PCDHGA3: variants seen among roughly 807,000 people sequenced by gnomAD.
PCDHGA3 encodes the protein protocadherin gamma-A3.
Under a neutral mutation model 58.5 loss-of-function variants are expected in PCDHGA3, and 40 were observed. That is an observed-to-expected ratio of 0.68 (90% CI 0.53 to 0.89). The LOEUF is 0.89. Ranked by LOEUF, PCDHGA3 falls within the 40% of genes least tolerant of loss-of-function variation. The probability of loss-of-function intolerance (pLI) is 0.00; values close to 1 mark genes in which losing one functional copy is unlikely to be tolerated. For synonymous variants in PCDHGA3, 530 were observed against 525.7 expected, an observed-to-expected ratio of 1.01 and a Z score of -0.11; for missense variants, 1,223 against 1,195.9, an observed-to-expected ratio of 1.02 and a Z score of -0.33.
chr5:141,386,377 T>G (rs535243472), intron 1 of PCDHGA3, among the ~76,000 whole-genome samples: 33 of 152,286 alleles, frequency 2.2e-4, no homozygotes, highest in African/African-American at 7.9e-4. Flanking sequence ...CTTTGAGTAT[T>G]AATTAAAAAC....
intron 1 of PCDHGA3, among the ~76,000 whole-genome samples, chr5:141,455,519 G>T (rs1439363688): frequency 1.3e-5 from 2 of 152,158 alleles, no homozygotes; most frequent in East Asian, 3.9e-4. Flanking sequence ...TCAGGGGATT[G>T]GTTTGACCAG....
At chr5:141,357,029 A>G (rs1217992138) in intron 1 of PCDHGA3, 1 of 1,614,042 alleles carries the variant, frequency 6.2e-7, no homozygotes, top group South Asian at 1.1e-5. Context: ...AGCCTACTCA[A>G]GTCCAGCGAG....
chr5:141,505,450 G>T lies in PCDHGA3; in HGVS notation c.2541G>T (p.Met847Ile). Residue 847 changes from methionine (M) to isoleucine (I), a missense_variant, in exon 3 of 4, where the codon ATG becomes ATT. By Grantham distance (10) the Met-to-Ile change is conservative (BLOSUM62 1). This residue lies in a region of PCDHGA3 where 325 missense variants were observed against 327.5 expected (regional missense o/e 0.99). Coordinates refer to ENST00000253812, the MANE Select transcript of PCDHGA3 (RefSeq NM_018916.4). ...TWPNNQFDTE[M>I]LQAMILASAS... ...CCAACAACCAGTTTGACACAGAGAT[G>T]CTGCAAGCCATGATCTTGGCGTCCG... 6.2e-7 allele frequency: 1 copy of T among 1,614,194 alleles called. No homozygotes were observed. The highest frequency in any genetic ancestry group is 8.5e-7 in the Non-Finnish European group (1 of 1,180,012).
chr5:141,510,862 C>CATTCA, intron 3 of PCDHGA3, 85 bp from the exon 4 acceptor site: 1 of 1,606,772 alleles, frequency 6.2e-7, no homozygotes, highest in South Asian at 1.1e-5. Flanking sequence ...GCTGTATAGG[C>CATTCA]ATTCATTAAC....
intron 1 of PCDHGA3, among the ~76,000 whole-genome samples, chr5:141,407,505 T>TTTTTTTTTTTTTTTTTTTTTTTGAG (rs1460306566): frequency 6.6e-6 from 1 of 152,146 alleles, no homozygotes; most frequent in Non-Finnish European, 1.5e-5. Context: ...CTGTTTTTCT[T>TTTTTTTTTTTTTTTTTTTTTTTGAG]AGGCTATGTA....
intron 1 of PCDHGA3, chr5:141,372,555 C>T: frequency 6.2e-7 from 1 of 1,614,046 alleles, no homozygotes; most frequent in Non-Finnish European, 8.5e-7. Context: ...CTCCTCCAGA[C>T]CCGCCACTGA....
In PCDHGA3 at chr5:141,344,696, C is replaced by T. The variant is rs752778278; in HGVS notation, c.663C>T (p.Val221=). The T allele has an allele frequency of 6.2e-7, 1 of 1,613,968 alleles. No individual in the cohort carries two copies. The highest frequency in any genetic ancestry group is 1.1e-5 in the South Asian group (1 of 91,082). The change falls in exon 1 of 4, where the codon GTC becomes GTT. Residue 221 remains valine (V), a synonymous_variant. Coordinates refer to ENST00000253812, the MANE Select transcript of PCDHGA3 (RefSeq NM_018916.4). ...VLVASDGGDP[V]HSGNLHIQVI... ...TTGCCTCTGATGGTGGCGACCCTGT[C>T]CACTCTGGCAACTTGCACATCCAAG... is the stretch of plus-strand genomic sequence containing the variant.
chr5:141,466,969 C>T (rs2099133068), intron 1 of PCDHGA3, among the ~76,000 whole-genome samples: 1 of 152,068 alleles, frequency 6.6e-6, no homozygotes, highest in African/African-American at 2.4e-5. Flanking sequence ...TATTTTCTCA[C>T]AGCTCATCAT....
chr5:141,389,694 T>C, intron 1 of PCDHGA3: 1 of 1,612,590 alleles, frequency 6.2e-7, no homozygotes, highest in South Asian at 1.1e-5. Flanking sequence ...CTGGCTGTCC[T>C]ACCACGTGCT....
rs1408454981 is a variant in PCDHGA3, at chr5:141,489,682, T to C, written c.2425-5125T>C. The C allele has an allele frequency of 6.2e-7, 1 of 1,614,184 alleles. No individual in the cohort carries two copies. The highest frequency in any genetic ancestry group is 8.5e-7 in the Non-Finnish European group (1 of 1,180,024). On this transcript the variant is annotated intron_variant, in intron 1 of 3. Transcript: ENST00000253812. This position sits in a 1 kb window ranked among gnomAD's most constrained non-coding sequence, Gnocchi z 4.5. ...GATGCGCATCTCAGAATCAGCAGCATCTGGGGCACGATTCCCACTGGACAG... is the reference window on the plus strand; with the variant it reads ...GATGCGCATCTCAGAATCAGCAGCACCTGGGGCACGATTCCCACTGGACAG...
Position 141,487,682 on chromosome 5 carries a change from G to A in PCDHGA3, c.2425-7125G>A, listed in dbSNP as rs757434520. On this transcript the variant is annotated intron_variant, in intron 1 of 3. Transcript: ENST00000253812. This position sits in a 1 kb window ranked among gnomAD's most constrained non-coding sequence, Gnocchi z 5.0. ...TGATCCAGGCATATGGCTAGGCCATGTCCTAGAGAGTACTGGCCTCTCAGT... is the reference window on the plus strand; with the variant it reads ...TGATCCAGGCATATGGCTAGGCCATATCCTAGAGAGTACTGGCCTCTCAGT... The A allele has an allele frequency of 1.2e-6, 2 of 1,607,256 alleles. No individual in the cohort carries two copies. Among genetic ancestry groups the A allele is most frequent in the East Asian group, 4.5e-5 (2 of 44,762 alleles).
At chr5:141,482,852 A>G (rs1237049208) in intron 1 of PCDHGA3, among the ~76,000 whole-genome samples, 1 of 144,420 alleles carries the variant, frequency 6.9e-6, no homozygotes, top group Non-Finnish European at 1.5e-5. Flanking sequence ...TGGGCAGATC[A>G]CTTGAGGTCA....
intron 1 of PCDHGA3, chr5:141,374,097 A>G (rs1277096139): frequency 3.2e-6 from 5 of 1,560,098 alleles, no homozygotes; most frequent in Non-Finnish European, 4.3e-6. Flanking sequence ...GCGCCTCCGC[A>G]GAGGCATCCG....
chr5:141,432,949 C>A lies in PCDHGA3; in HGVS notation c.2425-61858C>A, dbSNP rs764998032. ...CACGCCTGCTGCAGGCTTCAGGAGG[C>A]GGCTTGACAGGAGCGCCGGCGTCGC... On this transcript the variant is annotated intron_variant, in intron 1 of 3. Transcript: ENST00000253812. This position sits in a 1 kb window ranked among gnomAD's most constrained non-coding sequence, Gnocchi z 6.0. The A allele has an allele frequency of 1.9e-6, 3 of 1,614,184 alleles. No homozygotes were observed. The highest frequency in any genetic ancestry group is 2.5e-6 in the Non-Finnish European group (3 of 1,180,040).
intron 1 of PCDHGA3, chr5:141,404,730 C>G: frequency 6.2e-7 from 1 of 1,613,984 alleles, no homozygotes; most frequent in East Asian, 2.2e-5. Context: ...AAGGTGGTGG[C>G]AGTGGACAGA....
At chr5:141,417,821 A>C in intron 1 of PCDHGA3, 3 of 1,515,060 alleles carry the variant, frequency 2.0e-6, no homozygotes, top group Non-Finnish European at 1.8e-6. Context: ...ACTTTCTCCA[A>C]CTGGAAAAGC....
At chr5:141,351,142 T>G (rs1758655977) in intron 1 of PCDHGA3, 1 of 1,614,016 alleles carries the variant, frequency 6.2e-7, no homozygotes, top group Non-Finnish European at 8.5e-7. Flanking sequence ...ATCCAAATAC[T>G]GGCGACATCA....
At position 141,511,345 on chromosome 5, in the gene PCDHGA3, T is replaced by C; in HGVS notation, c.*172T>C. ...AAGTGCCCAGTCAGCACCTACCCCT[T>C]CCCCCCCAGGGGGTTGAATATGCAA... On this transcript the variant is annotated 3_prime_UTR_variant, in exon 4 of 4. Transcript: ENST00000253812. The C allele has an allele frequency of 1.4e-6, 2 of 1,410,502 alleles. No homozygotes were observed. The highest frequency in any genetic ancestry group is 9.4e-7 in the Non-Finnish European group (1 of 1,060,676). 87.4% of individuals were successfully genotyped at this position (1,410,502 alleles called of 1,614,324 possible).
At position 141,347,504 on chromosome 5, in the gene PCDHGA3, G is replaced by A. The variant is rs144302503; in HGVS notation, c.2424+1047G>A. 9.9e-5 allele frequency among the ~76,000 whole-genome samples: 15 copies of A among 152,126 alleles called. No homozygotes were observed. In the East Asian group the frequency reaches 1.6e-3, roughly 16 times the overall value. On this transcript the variant is annotated intron_variant, in intron 1 of 3. Transcript: ENST00000253812. ...ATAAAAATTGGAGAACAAAAATGTAGAGGCTGGGTGCAGTGGCTCATGCTG... is the reference window on the plus strand; with the variant it reads ...ATAAAAATTGGAGAACAAAAATGTAAAGGCTGGGTGCAGTGGCTCATGCTG...
Sources: allele counts gnomAD v4.1 joint callset (sites outside exome capture counted in the v4.1 genomes callset), GRCh38; gene constraint gnomAD v4.1.1; regional missense constraint gnomAD v4.1.1; non-coding constraint Gnocchi (gnomAD v3.1); transcripts MANE v1.5; gene names NCBI Gene and HGNC (gene_info 2026-07-23, HGNC 2026-07-21).